GRM1: variants seen among roughly 807,000 people sequenced by gnomAD.
GRM1 encodes the protein metabotropic glutamate receptor 1.
Under a neutral mutation model 90.9 loss-of-function variants are expected in GRM1, and 33 were observed. That is an observed-to-expected ratio of 0.36 (90% CI 0.28 to 0.49). The LOEUF is 0.49. Among genes scored for constraint, GRM1 ranks in the 20% least tolerant of loss-of-function variants. The pLI, the probability that GRM1 is intolerant of heterozygous loss-of-function variation, is 0.99. For synonymous variants in GRM1, 700 were observed against 613.2 expected, an observed-to-expected ratio of 1.14 and a Z score of -2.09; for missense variants, 1,190 against 1,534.3, an observed-to-expected ratio of 0.78 and a Z score of 3.75.
chr6:146,289,246 A>T (rs1583279720), intron 2 of GRM1, among the ~76,000 whole-genome samples: 1 of 152,218 alleles, frequency 6.6e-6, no homozygotes, highest in African/African-American at 2.4e-5. Context: ...GAGGGACAAA[A>T]TTGGAGGTGT....
At chr6:146,397,405 C>T (rs1250358039) in intron 6 of GRM1, among the ~76,000 whole-genome samples, 4 of 134,054 alleles carry the variant, frequency 3.0e-5, no homozygotes, top group African/African-American at 1.1e-4. Context: ...ATCCAGGAGG[C>T]GGAGCTTGCA....
intron 2 of GRM1, among the ~76,000 whole-genome samples, chr6:146,202,788 G>T (rs960598688): frequency 6.6e-6 from 1 of 152,176 alleles, no homozygotes; most frequent in African/African-American, 2.4e-5. Context: ...GTGCTGGGTT[G>T]GCTGCAAGAA....
chr6:146,165,246 A>G (rs1252120824), intron 2 of GRM1, among the ~76,000 whole-genome samples: 1 of 152,156 alleles, frequency 6.6e-6, no homozygotes, highest in East Asian at 1.9e-4. Flanking sequence ...CTTGGTTTTT[A>G]CTGTGTACCT....
chr6:146,358,139 G>A (rs971991733), intron 5 of GRM1, among the ~76,000 whole-genome samples: 7 of 152,110 alleles, frequency 4.6e-5, no homozygotes, highest in East Asian at 1.9e-4. Context: ...ATCATTTTCC[G>A]TTTCTCTACC....
intron 1 of GRM1, among the ~76,000 whole-genome samples, chr6:146,076,934 C>T (rs1422126340): frequency 6.6e-6 from 1 of 152,096 alleles, no homozygotes; most frequent in Non-Finnish European, 1.5e-5. Context: ...CTTCTTTCTT[C>T]CCTTCTTCAC....
intron 2 of GRM1, among the ~76,000 whole-genome samples, chr6:146,195,158 A>AGTAATATATT (rs1779072529): frequency 6.6e-6 from 1 of 152,194 alleles, no homozygotes; most frequent in Non-Finnish European, 1.5e-5. Flanking sequence ...TATTACAGAT[A>AGTAATATATT]GTAGGTGAAA....
intron 3 of GRM1, among the ~76,000 whole-genome samples, chr6:146,331,912 C>T (rs373656686): frequency 1.3e-5 from 2 of 152,076 alleles, no homozygotes; most frequent in East Asian, 1.9e-4. Context: ...AATTGGCCTT[C>T]GGAGTGAAAC....
chr6:146,092,365 A>G (rs1281713261), intron 1 of GRM1, among the ~76,000 whole-genome samples: 1 of 152,140 alleles, frequency 6.6e-6, no homozygotes, highest in Non-Finnish European at 1.5e-5. Flanking sequence ...ACAAACATAC[A>G]GTCCGTAACA....
chr6:146,171,770 G>T (rs1263597650), intron 2 of GRM1: 1 of 294,814 alleles, frequency 3.4e-6, no homozygotes, highest in South Asian at 4.5e-5. Context: ...AGCTGAGGAG[G>T]TGGTGTCATT....
chr6:146,112,449 A>G (rs996472716), intron 1 of GRM1, among the ~76,000 whole-genome samples: 3 of 151,874 alleles, frequency 2.0e-5, no homozygotes, highest in East Asian at 3.9e-4. Context: ...TGTTACTTAG[A>G]TTTTGAAGGT....
chr6:146,154,835 G>A (rs866238221), intron 1 of GRM1, among the ~76,000 whole-genome samples: 4 of 152,290 alleles, frequency 2.6e-5, no homozygotes, highest in Middle Eastern at 6.8e-3. Context: ...AACAGTGTAT[G>A]TACTTATACC....
intron 7 of GRM1, among the ~76,000 whole-genome samples, chr6:146,425,725 T>A (rs1270180402): frequency 6.6e-6 from 1 of 152,210 alleles, no homozygotes; most frequent in Non-Finnish European, 1.5e-5. Context: ...GTACCTGAAA[T>A]TCTTTTCTAT....
intron 2 of GRM1, among the ~76,000 whole-genome samples, chr6:146,293,635 T>C (rs1472911059): frequency 6.6e-6 from 1 of 151,954 alleles, no homozygotes; most frequent in African/African-American, 2.4e-5. Flanking sequence ...ATATCCTCAG[T>C]TGGAGAATAT....
intron 7 of GRM1, among the ~76,000 whole-genome samples, chr6:146,409,257 A>G (rs976000938): frequency 3.3e-5 from 5 of 152,160 alleles, no homozygotes; most frequent in East Asian, 1.9e-4. Context: ...AAGGATAACC[A>G]TGCCAATGCT....
At chr6:146,308,703 A>G (rs979353964) in intron 3 of GRM1, among the ~76,000 whole-genome samples, 1 of 152,180 alleles carries the variant, frequency 6.6e-6, no homozygotes, top group Non-Finnish European at 1.5e-5. Context: ...CAGAAGCATT[A>G]GAAAGCTGAA....
At chr6:146,377,870 C>G (rs564459866) in intron 5 of GRM1, among the ~76,000 whole-genome samples, 1 of 152,154 alleles carries the variant, frequency 6.6e-6, no homozygotes, top group Non-Finnish European at 1.5e-5. Context: ...GTGCAAGCCC[C>G]AAGCCTTGGT....
intron 2 of GRM1, among the ~76,000 whole-genome samples, chr6:146,278,694 G>C (rs1014265112): frequency 1.3e-5 from 2 of 152,190 alleles, no homozygotes; most frequent in Non-Finnish European, 2.9e-5. Context: ...TGAGGCAGGA[G>C]AATCACTTGA....
At chr6:146,265,000 A>G (rs1283836849) in intron 2 of GRM1, among the ~76,000 whole-genome samples, 2 of 152,132 alleles carry the variant, frequency 1.3e-5, no homozygotes, top group African/African-American at 2.4e-5. Context: ...TAAACATACA[A>G]TTGCAGGTAT....
intron 2 of GRM1, among the ~76,000 whole-genome samples, chr6:146,277,905 T>A (rs1193514541): frequency 6.6e-6 from 1 of 152,156 alleles, no homozygotes; most frequent in Non-Finnish European, 1.5e-5. Flanking sequence ...CTAAAATGCT[T>A]CTAAAGTCAA....
Sources: gnomAD v4.1 joint callset for allele counts (sites outside exome capture counted in the v4.1 genomes callset) on GRCh38, gnomAD v4.1.1 for gene constraint, MANE v1.5 for transcripts, NCBI Gene and HGNC (gene_info 2026-07-23, HGNC 2026-07-21) for gene names.